VPS13A: variants seen among roughly 807,000 people sequenced by gnomAD.
The protein encoded by VPS13A is vacuolar protein sorting 13 homolog A.
A neutral mutation model predicts 390.9 loss-of-function variants in VPS13A; 264 were observed. The ratio of observed to expected loss-of-function variants is 0.68; its 90% CI spans 0.61 to 0.75. VPS13A has a LOEUF of 0.75. Among genes scored for constraint, VPS13A ranks in the 30% least tolerant of loss-of-function variants. The pLI, the probability that VPS13A is intolerant of heterozygous loss-of-function variation, is 0.00. For synonymous variants in VPS13A, 1,231 were observed against 1,227.1 expected (o/e 1.00, Z -0.07); for missense variants, 3,409 against 3,733.9 (o/e 0.91, Z 2.27).
intron 34 of VPS13A, among the ~76,000 whole-genome samples, chr9:77,307,025 G>A (rs549098416): frequency 1.3e-5 from 2 of 151,260 alleles, no homozygotes; most frequent in African/African-American, 4.9e-5. Flanking sequence ...TCCTGCTTCA[G>A]CCACCTGAGT....
At chr9:77,301,363 A>G (rs903392767) in intron 33 of VPS13A, among the ~76,000 whole-genome samples, 1 of 152,186 alleles carries the variant, frequency 6.6e-6, no homozygotes, top group African/African-American at 2.4e-5. Context: ...AAGAAAACCT[A>G]TGTGTGCAGC....
intron 16 of VPS13A, 116 bp downstream of exon 16, chr9:77,227,601 C>A: frequency 1.3e-6 from 1 of 794,292 alleles, no homozygotes; most frequent in Non-Finnish European, 2.0e-6. Flanking sequence ...CTGCTGCCAG[C>A]CTTAACCTGG....
intron 24 of VPS13A, among the ~76,000 whole-genome samples, chr9:77,274,077 C>T (rs1826500504): frequency 1.3e-5 from 2 of 152,060 alleles, no homozygotes; most frequent in Non-Finnish European, 2.9e-5. Flanking sequence ...TTTTAAATAG[C>T]ACAATTCCTT....
intron 1 of VPS13A, among the ~76,000 whole-genome samples, chr9:77,191,520 A>C (rs1824686223): frequency 6.6e-6 from 1 of 151,802 alleles, no homozygotes. Context: ...GCTGGTCTTG[A>C]ACTCCTGGGC....
In VPS13A at chr9:77,371,083, G is replaced by T; in HGVS notation, c.9011G>T (p.Gly3004Val). ...FFKGVGKGLV[G>V]AVARPTGGII... ...AAAGGTGTTGGGAAAGGTTTAGTAG[G>T]AGCGGTAGCAAGGCCAACTGGAGGC... Residue 3004 changes from glycine to valine, a missense_variant, in exon 67 of 72, where the codon GGA (glycine) becomes GTA (valine). By Grantham distance (109) the Gly-to-Val change is moderately radical. This residue lies in a region of VPS13A where 318 missense variants were observed against 333.7 expected (regional missense o/e 0.95). Transcript: ENST00000360280. 6.2e-7 allele frequency: 1 copy of T among 1,614,112 alleles called. No homozygotes were observed. The highest frequency in any genetic ancestry group is 8.5e-7 in the Non-Finnish European group (1 of 1,179,988).
rs1262659504 is a variant in VPS13A at position 77,353,560 on chromosome 9, T to C, written c.7571T>C (p.Ile2524Thr). The C allele has an allele frequency of 1.2e-6, 2 of 1,613,414 alleles. No homozygotes were observed. Among genetic ancestry groups the C allele is most frequent in the Non-Finnish European group, 1.7e-6 (2 of 1,179,644 alleles). The change falls in exon 54 of 72, where the codon ATT becomes ACT. Residue 2524 changes from isoleucine to threonine, a missense_variant. This residue lies in a region of VPS13A where 221 missense variants were observed against 300.7 expected (regional missense o/e 0.73). Coordinates refer to ENST00000360280, the MANE Select transcript of VPS13A (RefSeq NM_033305.3). Reference sequence around the variant, plus strand: ...AAAGCAGAGTTAGCAGAGCAAGAAATTGCAGTGGCATTACAAGATGTTGGA... The same window carrying C: ...AAAGCAGAGTTAGCAGAGCAAGAAACTGCAGTGGCATTACAAGATGTTGGA... The part of the protein sequence containing the change: ...SEKAELAEQE[I>T]AVALQDVGIS...
chr9:77,218,403 G>C (rs1416358468), intron 10 of VPS13A, among the ~76,000 whole-genome samples: 2 of 151,878 alleles, frequency 1.3e-5, no homozygotes, highest in Non-Finnish European at 2.9e-5. Flanking sequence ...GTGAGCCACT[G>C]CACCCAGCCC....
At chr9:77,328,785 T>A (rs1402233707) in intron 45 of VPS13A, among the ~76,000 whole-genome samples, 1 of 152,168 alleles carries the variant, frequency 6.6e-6, no homozygotes, top group African/African-American at 2.4e-5. Context: ...TAGGAGAATG[T>A]TATAGCTGGT....
intron 26 of VPS13A, among the ~76,000 whole-genome samples, chr9:77,276,892 T>C (rs1934726): frequency 0.22 from 33,355 of 152,122 alleles, 4,000 homozygotes; most frequent in African/African-American, 0.3. Flanking sequence ...CCTCTATAAT[T>C]CAGGATAATA....
At chr9:77,313,676 A>T (rs1317792664) in intron 35 of VPS13A, among the ~76,000 whole-genome samples, 2 of 152,160 alleles carry the variant, frequency 1.3e-5, no homozygotes, top group Non-Finnish European at 2.9e-5. Flanking sequence ...TGCATTTTAC[A>T]TGTGCTATTT....
intron 68 of VPS13A, among the ~76,000 whole-genome samples, chr9:77,394,699 T>C (rs1224985795): frequency 6.6e-6 from 1 of 152,222 alleles, no homozygotes; most frequent in Non-Finnish European, 1.5e-5. Flanking sequence ...AAATCTGTAG[T>C]TTAGTGTAGC....
At position 77,403,315 on chromosome 9, in the gene VPS13A, C is replaced by T. The variant is rs745798294; in HGVS notation, c.9269C>T (p.Thr3090Ile). 11 of 1,610,298 alleles carry T rather than the reference C, an allele frequency of 6.8e-6. No individual in the cohort carries two copies. The highest frequency in any genetic ancestry group is 2.5e-6 in the Non-Finnish European group (3 of 1,178,712). Reference protein sequence around the residue: ...MINKTDMLMITRRGVLFVTKG... With the variant: ...MINKTDMLMIIRRGVLFVTKG... ...AATAAGACAGATATGCTAATGATAA[C>T]CAGACGGTAACTTGCTTTCTTTCTC... The change falls in exon 69 of 72, where the codon ACC becomes ATC. Residue 3090 changes from threonine to isoleucine, a missense_variant. Coordinates refer to ENST00000360280, the MANE Select transcript of VPS13A (RefSeq NM_033305.3).
chr9:77,262,364 A>G (rs1265093815), intron 23 of VPS13A, among the ~76,000 whole-genome samples: 1 of 151,838 alleles, frequency 6.6e-6, no homozygotes, highest in Non-Finnish European at 1.5e-5. Context: ...GGGGTTCTTT[A>G]CTCATGTTTA....
intron 14 of VPS13A, 63 bp downstream of exon 14, chr9:77,226,051 G>T: frequency 7.0e-7 from 1 of 1,432,602 alleles, no homozygotes; most frequent in Non-Finnish European, 9.8e-7. Context: ...TGACAGATGT[G>T]ATATTATTAA....
chr9:77,341,062 A>G (rs1355012334), intron 50 of VPS13A, among the ~76,000 whole-genome samples: 7 of 152,204 alleles, frequency 4.6e-5, no homozygotes, highest in African/African-American at 1.7e-4. Flanking sequence ...TCTAAAAGTT[A>G]GGATTAGAGA....
intron 20 of VPS13A, among the ~76,000 whole-genome samples, chr9:77,249,603 C>T (rs534423868): frequency 6.6e-6 from 1 of 152,084 alleles, no homozygotes; most frequent in Non-Finnish European, 1.5e-5. Context: ...AAAAGTAATG[C>T]GCACAGTATG....
At chr9:77,323,820 A>G (rs575637756) in intron 45 of VPS13A, among the ~76,000 whole-genome samples, 2 of 152,286 alleles carry the variant, frequency 1.3e-5, no homozygotes, top group South Asian at 2.1e-4. Flanking sequence ...TTTCATTCAG[A>G]AAAATTTTGT....
chr9:77,391,844 A>C (rs1428039564), intron 68 of VPS13A, among the ~76,000 whole-genome samples: 1 of 152,242 alleles, frequency 6.6e-6, no homozygotes, highest in Non-Finnish European at 1.5e-5. Context: ...AGCATAGTTT[A>C]TATGAATACA....
At chr9:77,289,497 A>G (rs549136905) in intron 31 of VPS13A, among the ~76,000 whole-genome samples, 3 of 152,268 alleles carry the variant, frequency 2.0e-5, no homozygotes, top group East Asian at 1.9e-4. Context: ...ATCATAGTCT[A>G]TCTTCCAATA....
Sources: gnomAD v4.1 joint callset for allele counts (sites outside exome capture counted in the v4.1 genomes callset) on GRCh38, gnomAD v4.1.1 for gene constraint, gnomAD v4.1.1 regional missense constraint, MANE v1.5 for transcripts, NCBI Gene and HGNC (gene_info 2026-07-23, HGNC 2026-07-21) for gene names.